ZNF540: variants seen among roughly 807,000 people sequenced by gnomAD.
ZNF540 encodes the protein CTD-3064H18.6.
A neutral mutation model predicts 11.8 loss-of-function variants in ZNF540; 3 were observed. The ratio of observed to expected loss-of-function variants is 0.25; its 90% CI spans 0.12 to 0.65. The LOEUF (loss-of-function observed/expected upper bound fraction) is 0.65. ZNF540 is among the 30% of genes least tolerant of loss of function. ZNF540 has a pLI of 0.83. For synonymous variants in ZNF540, 247 were observed against 259.0 expected (o/e 0.95, Z 0.45); for missense variants, 709 against 793.1 (o/e 0.89, Z 1.27).
rs760029733 is a variant in ZNF540 at position 37,564,570 on chromosome 19, C to CT, written c.-73+12907dup. 22 of 1,453,322 alleles carry CT rather than the reference C, an allele frequency of 1.5e-5. No individual in the cohort carries two copies. The South Asian group carries it at 3.6e-4, about 24-fold the overall frequency. The allele number at this position is 1,453,322 out of a possible 1,614,324, so 90.0% of individuals were successfully genotyped here. A position where few individuals can be genotyped will look rare whatever the true frequency, so the allele number is the denominator to read the frequency against. On this transcript the variant is annotated intron_variant, in intron 1 of 4. Coordinates refer to the ZNF540 transcript ENST00000592533. ...TAGATATGAAATAGATGAAGATTTT[C>CT]TTAAATTTAATCACATTCAAGGCTT...
chr19:37,588,561 G>A (rs1404211646), intron 1 of ZNF540, among the ~76,000 whole-genome samples: 1 of 152,102 alleles, frequency 6.6e-6, no homozygotes, highest in Non-Finnish European at 1.5e-5. Context: ...CTAGAGCACG[G>A]AGAGAAGGAG....
At chr19:37,553,131 TTTTTTTTTTTTTTTTTTTTTG>T (rs1441080313) in intron 1 of ZNF540, among the ~76,000 whole-genome samples, 12 of 86,934 alleles carry the variant, frequency 1.4e-4, no homozygotes, top group African/African-American at 5.6e-4. Context: ...TTTTTTTTTT[TTTTTTTTTTTTTTTTTTTTTG>T]GAGACAGTCT....
At chr19:37,605,310 A>C (rs2044075786) in intron 4 of ZNF540, among the ~76,000 whole-genome samples, 1 of 152,022 alleles carries the variant, frequency 6.6e-6, no homozygotes. Context: ...AAATACAAAA[A>C]TTAGCTAGGC....
At chr19:37,555,849 A>G (rs1452021871) in intron 1 of ZNF540, 1 of 698,554 alleles carries the variant, frequency 1.4e-6, no homozygotes, top group South Asian at 1.5e-5. Flanking sequence ...AGAGGATTAC[A>G]ATTTTTTCTA....
intron 2 of ZNF540, among the ~76,000 whole-genome samples, 195 bp from the exon 3 acceptor site, chr19:37,599,431 G>C (rs1312848003): frequency 6.6e-6 from 1 of 152,096 alleles, no homozygotes; most frequent in African/African-American, 2.4e-5. Context: ...ATAGTGGCTG[G>C]ATTCTTCAAG....
At chr19:37,565,126 A>AAGTT in intron 1 of ZNF540, 1 of 1,613,118 alleles carries the variant, frequency 6.2e-7, no homozygotes, top group Non-Finnish European at 8.5e-7. Context: ...GATGTTCACT[A>AAGTT]AGTTGTTTGC....
chr19:37,602,702 G>A (rs1314344710), intron 4 of ZNF540, among the ~76,000 whole-genome samples: 1 of 152,100 alleles, frequency 6.6e-6, no homozygotes, highest in African/African-American at 2.4e-5. Flanking sequence ...CCTGGAGAGT[G>A]GTACCAAAAA....
intron 1 of ZNF540, chr19:37,565,038 G>A (rs764153548): frequency 1.9e-6 from 3 of 1,613,616 alleles, no homozygotes; most frequent in Non-Finnish European, 2.5e-6. Flanking sequence ...TTCTCATGTT[G>A]AGTAAGATAT....
At chr19:37,590,248 AAAAT>A (rs1344269209), upstream of ZNF540, among the ~76,000 whole-genome samples, 26 of 151,564 alleles carry the variant, frequency 1.7e-4, no homozygotes, top group Non-Finnish European at 2.9e-4. Flanking sequence ...CTAGTAAAAA[AAAAT>A]AAAAATAAAA....
At chr19:37,592,537 C>T (rs762071932), upstream of ZNF540, among the ~76,000 whole-genome samples, 8 of 152,126 alleles carry the variant, frequency 5.3e-5, no homozygotes, top group Non-Finnish European at 7.3e-5. Flanking sequence ...AAGGTGATAT[C>T]CTCCACCCTC....
intron 1 of ZNF540, chr19:37,565,837 A>C: frequency 6.2e-7 from 1 of 1,613,856 alleles, no homozygotes; most frequent in Non-Finnish European, 8.5e-7. Flanking sequence ...CACATTCCAT[A>C]CACTCATAAG....
intron 1 of ZNF540, among the ~76,000 whole-genome samples, chr19:37,581,584 T>C (rs1381334570): frequency 2.0e-5 from 3 of 151,568 alleles, no homozygotes; most frequent in Non-Finnish European, 4.4e-5. Context: ...CCCAACTCAG[T>C]CTCCCAAGTA....
In ZNF540 at chr19:37,599,751, G is replaced by A. The variant is rs1474164880; in HGVS notation, c.135G>A (p.Leu45=). ...MLENYNNLVS[L]GYSGSKPDVI... The stretch of plus-strand genomic sequence containing the variant: ...AGAATTATAATAACTTGGTCTCACT[G>A]GGTAAGGTCACCTATGTCAAATAAT... Residue 45 remains leucine (L), a splice_region_variant and synonymous_variant, in exon 3 of 5, where the codon CTG becomes CTA. Transcript: ENST00000316433. The A allele has an allele frequency of 3.7e-6, 6 of 1,601,194 alleles. No individual in the cohort carries two copies. Among genetic ancestry groups the A allele is most frequent in the Non-Finnish European group, 5.1e-6 (6 of 1,173,104 alleles).
chr19:37,563,721 TAC>T (rs2042751859), intron 1 of ZNF540: 7 of 144,446 alleles, frequency 4.8e-5, no homozygotes, highest in African/African-American at 2.0e-4. Context: ...ACATGTGGAA[TAC>T]ATACACGTGG....
chr19:37,565,480 A>G, intron 1 of ZNF540: 1 of 1,613,384 alleles, frequency 6.2e-7, no homozygotes, highest in Non-Finnish European at 8.5e-7. Context: ...AACCAAGAAT[A>G]AAGGCCTTTC....
At chr19:37,586,623 C>T (rs190125628) in intron 1 of ZNF540, 1 of 1,612,416 alleles carries the variant, frequency 6.2e-7, no homozygotes, top group East Asian at 2.2e-5. Flanking sequence ...TCACATTACA[C>T]AACAAAATGA....
chr19:37,589,946 A>G (rs1344791227), upstream of ZNF540, among the ~76,000 whole-genome samples: 1 of 151,562 alleles, frequency 6.6e-6, no homozygotes, highest in Non-Finnish European at 1.5e-5. Flanking sequence ...GGAACAATCT[A>G]CAAAATAACA....
At chr19:37,581,463 TTTC>T (rs1287920328) in intron 1 of ZNF540, among the ~76,000 whole-genome samples, 70 of 150,136 alleles carry the variant, frequency 4.7e-4, no homozygotes, top group African/African-American at 1.7e-3. Context: ...TCTTTCTTTC[TTTC>T]TTTTTTTTTT....
In ZNF540 at chr19:37,569,676, T is replaced by C. The variant is rs1169447031; in HGVS notation, c.-73+18011T>C. Among the ~76,000 whole-genome samples the C allele has an allele frequency of 1.3e-5, 2 of 152,160 alleles. No individual in the cohort carries two copies. The highest frequency in any genetic ancestry group is 4.8e-5 in the African/African-American group (2 of 41,436). The stretch of plus-strand genomic sequence containing the variant: ...CCTGGCTCCAGTCAACCTCTCCGAC[T>C]CCCTTGTGGCACCTCTGCCTCACTA... On this transcript the variant is annotated intron_variant, in intron 1 of 4. Transcript: ENST00000592533. The surrounding 1 kb of genome is among the most constrained non-coding windows in gnomAD (Gnocchi z 4.4).
Sources: gnomAD v4.1 joint callset for allele counts (sites outside exome capture counted in the v4.1 genomes callset) on GRCh38, gnomAD v4.1.1 for gene constraint, Gnocchi (gnomAD v3.1) non-coding constraint, MANE v1.5 for transcripts, NCBI Gene and HGNC (gene_info 2026-07-23, HGNC 2026-07-21) for gene names.